LRRTM4: variants seen among roughly 807,000 people sequenced by gnomAD.
LRRTM4 encodes the protein leucine rich repeat transmembrane neuronal 4, also known as leucine-rich repeat transmembrane neuronal protein 4.
LRRTM4 carries 25 observed loss-of-function variants against 47.6 expected under a neutral mutation model. That is an observed-to-expected ratio of 0.53 (90% CI 0.38 to 0.73). The LOEUF (loss-of-function observed/expected upper bound fraction) is 0.73, where lower values mean the gene tolerates loss of function less well. LRRTM4 is among the 30% of genes least tolerant of loss of function. The pLI is 0.00. For missense variants in LRRTM4, 638 were observed against 713.4 expected (o/e 0.89, Z 1.20); for synonymous variants, 311 against 269.5 (o/e 1.15, Z -1.51).
At chr2:76,781,571 C>T (rs959374181) in intron 3 of LRRTM4, among the ~76,000 whole-genome samples, 1 of 152,266 alleles carries the variant, frequency 6.6e-6, no homozygotes. Flanking sequence ...TCCGTGACCC[C>T]TTGCGCTTCC....
chr2:77,506,115 A>G (rs1399695208), intron 3 of LRRTM4, among the ~76,000 whole-genome samples: 1 of 151,714 alleles, frequency 6.6e-6, no homozygotes, highest in Non-Finnish European at 1.5e-5. Flanking sequence ...TATGGTTCTT[A>G]CATTGTAATA....
intron 3 of LRRTM4, among the ~76,000 whole-genome samples, chr2:76,950,590 A>AT (rs1008198941): frequency 1.5e-4 from 23 of 151,500 alleles, no homozygotes; most frequent in South Asian, 4.2e-4. Context: ...CTTAATATGG[A>AT]TTTTTTTTTG....
At chr2:77,281,734 G>A (rs1477617421) in intron 3 of LRRTM4, among the ~76,000 whole-genome samples, 4 of 151,776 alleles carry the variant, frequency 2.6e-5, no homozygotes, top group Non-Finnish European at 4.4e-5. Context: ...ACATGAAAAT[G>A]CATGAGACAG....
chr2:77,518,372 C>T lies in LRRTM4; in HGVS notation c.1497G>A (p.Ser499=), dbSNP rs1490704709. The part of the protein sequence containing the change: ...KPTNSETMDI[S]VNGSGPCTYT... ...ATGTGCAGGGCCCAGATCCATTAAC[C>T]GATATATCCATGGTCTCAGAGTTTG... Residue 499 remains serine, a synonymous_variant, in exon 3 of 4, where the codon TCG becomes TCA. Coordinates refer to ENST00000409884, the MANE Select transcript of LRRTM4 (RefSeq NM_001134745.3). 1 of 1,612,692 alleles carries T rather than the reference C, an allele frequency of 6.2e-7. No individual in the cohort carries two copies. The highest frequency in any genetic ancestry group is 8.5e-7 in the Non-Finnish European group (1 of 1,179,290).
intron 3 of LRRTM4, among the ~76,000 whole-genome samples, chr2:77,130,822 C>CTTTT (rs1221439109): frequency 2.0e-3 from 104 of 51,960 alleles, no homozygotes; most frequent in African/African-American, 3.7e-3. Context: ...ATTATTTGTT[C>CTTTT]TATTTTTTTT....
Position 77,077,128 on chromosome 2 carries a change from T to C in LRRTM4, c.1552-328212A>G, listed in dbSNP as rs566082259. On this transcript the variant is annotated intron_variant, in intron 3 of 3. Transcript: ENST00000409884. Reference sequence around the variant, plus strand: ...AATGTACATAGAGTATCACACCATATGCAAAATTCTATAGAGGTAGAATAA... The same window carrying C: ...AATGTACATAGAGTATCACACCATACGCAAAATTCTATAGAGGTAGAATAA... Among the ~76,000 whole-genome samples, 34 of 152,318 alleles carry C rather than the reference T, an allele frequency of 2.2e-4. No individual in the cohort carries two copies. In the East Asian group the frequency reaches 4.0e-3, roughly 18 times the overall value.
intron 3 of LRRTM4, among the ~76,000 whole-genome samples, chr2:77,338,217 C>T (rs1671235931): frequency 6.6e-6 from 1 of 152,142 alleles, no homozygotes; most frequent in African/African-American, 2.4e-5. Context: ...AAAGCAATTG[C>T]AACAGAAGCC....
intron 3 of LRRTM4, among the ~76,000 whole-genome samples, chr2:77,417,640 A>T (rs1674688230): frequency 6.6e-6 from 1 of 151,982 alleles, no homozygotes; most frequent in Non-Finnish European, 1.5e-5. Context: ...GGAAACCATC[A>T]TTCTCAGCAA....
At chr2:77,150,167 T>A (rs1241895017) in intron 3 of LRRTM4, among the ~76,000 whole-genome samples, 1 of 152,058 alleles carries the variant, frequency 6.6e-6, no homozygotes, top group Non-Finnish European at 1.5e-5. Flanking sequence ...AAAAAAATCA[T>A]AATAGGAGTT....
chr2:77,374,084 G>C (rs1248001074), intron 3 of LRRTM4, among the ~76,000 whole-genome samples: 1 of 151,750 alleles, frequency 6.6e-6, no homozygotes, highest in Non-Finnish European at 1.5e-5. Flanking sequence ...CAACCTGCCT[G>C]TCTACCATTT....
chr2:77,511,619 G>T (rs976903693), intron 3 of LRRTM4, among the ~76,000 whole-genome samples: 1 of 151,412 alleles, frequency 6.6e-6, no homozygotes, highest in Non-Finnish European at 1.5e-5. Flanking sequence ...ACATAATAAG[G>T]TTATGGTATT....
At chr2:77,074,508 T>C (rs895755762) in intron 3 of LRRTM4, among the ~76,000 whole-genome samples, 1 of 152,110 alleles carries the variant, frequency 6.6e-6, no homozygotes, top group Non-Finnish European at 1.5e-5. Context: ...ACACCCCTGT[T>C]ATTAAGCTTA....
intron 3 of LRRTM4, among the ~76,000 whole-genome samples, chr2:76,954,740 G>A (rs1189475378): frequency 1.3e-5 from 2 of 151,590 alleles, no homozygotes; most frequent in Non-Finnish European, 2.9e-5. Context: ...TGATATACGC[G>A]ATAATAAAAT....
intron 3 of LRRTM4, among the ~76,000 whole-genome samples, chr2:76,778,405 T>G (rs1216514999): frequency 6.9e-6 from 1 of 145,144 alleles, no homozygotes; most frequent in Non-Finnish European, 1.5e-5. Flanking sequence ...TCTTTTTGGT[T>G]GGTAAGCTAT....
rs148949767 is a variant in LRRTM4, at chr2:76,836,452, C to T, written c.1552-87536G>A. On this transcript the variant is annotated intron_variant, in intron 3 of 3. Coordinates refer to ENST00000409884, the MANE Select transcript of LRRTM4 (RefSeq NM_001134745.3). ...TTTCCACTCCGGGCATTTTTTCACA[C>T]TTTCCTGTGTTATTTCTCACCTTCG... is the stretch of plus-strand genomic sequence containing the variant. Among the ~76,000 whole-genome samples the T allele has an allele frequency of 3.0e-3, 463 of 152,002 alleles. 1 individual carries two copies. Among genetic ancestry groups the T allele is most frequent in the Admixed American group, 4.7e-3 (71 of 15,210 alleles).
chr2:76,826,459 G>A (rs1671194117), intron 3 of LRRTM4, among the ~76,000 whole-genome samples: 1 of 151,562 alleles, frequency 6.6e-6, no homozygotes, highest in South Asian at 2.1e-4. Flanking sequence ...GGGCAACACT[G>A]AGGTACTCCC....
At chr2:76,769,908 AC>A (rs1188811272) in intron 3 of LRRTM4, among the ~76,000 whole-genome samples, 2 of 152,236 alleles carry the variant, frequency 1.3e-5, no homozygotes, top group East Asian at 3.8e-4. Flanking sequence ...CTGAGAAGTC[AC>A]AGCAGCAATA....
At chr2:77,182,608 A>G (rs977831131) in intron 3 of LRRTM4, among the ~76,000 whole-genome samples, 77 of 152,132 alleles carry the variant, frequency 5.1e-4, no homozygotes, top group Non-Finnish European at 1.0e-3. Flanking sequence ...GGTTTTCTAG[A>G]TATACAATCA....
At chr2:77,290,707 A>C (rs1032162196) in intron 3 of LRRTM4, among the ~76,000 whole-genome samples, 2 of 152,046 alleles carry the variant, frequency 1.3e-5, no homozygotes, top group Non-Finnish European at 2.9e-5. Context: ...AAATTTTAAA[A>C]AATTAAGTCC....
Sources: allele counts gnomAD v4.1 joint callset (sites outside exome capture counted in the v4.1 genomes callset), GRCh38; gene constraint gnomAD v4.1.1; transcripts MANE v1.5; gene names NCBI Gene and HGNC (gene_info 2026-07-23, HGNC 2026-07-21).